Variants in SGCZ observed in about 807,000 individuals in gnomAD.
SGCZ encodes zeta-sarcoglycan.
Under a neutral mutation model 41.3 loss-of-function variants are expected in SGCZ, and 40 were observed. The observed-to-expected ratio is 0.97, with a 90% CI of 0.75 to 1.26. The LOEUF is 1.26. Ranked by LOEUF, SGCZ falls within the 50% of genes most tolerant of loss-of-function variation. The pLI is 0.00. For synonymous variants in SGCZ, 206 were observed against 137.5 expected, an observed-to-expected ratio of 1.50 and a Z score of -3.49; for missense variants, 552 against 369.8, an observed-to-expected ratio of 1.49 and a Z score of -4.04.
At chr8:15,162,332 C>G (rs1422096751) in intron 1 of SGCZ, among the ~76,000 whole-genome samples, 1 of 152,188 alleles carries the variant, frequency 6.6e-6, no homozygotes, top group African/African-American at 2.4e-5. Context: ...CAGCACCTGT[C>G]CCACCTCTAA....
chr8:14,196,077 T>C (rs1034926046), intron 4 of SGCZ, among the ~76,000 whole-genome samples: 1 of 152,074 alleles, frequency 6.6e-6, no homozygotes, highest in Non-Finnish European at 1.5e-5. Flanking sequence ...CTCTACAGTA[T>C]CCAAAATTCA....
intron 1 of SGCZ, among the ~76,000 whole-genome samples, chr8:15,197,340 T>G (rs1258568176): frequency 6.6e-6 from 1 of 152,196 alleles, no homozygotes; most frequent in Non-Finnish European, 1.5e-5. Context: ...TGGCCTGTTT[T>G]GAAGAAAAAG....
intron 1 of SGCZ, among the ~76,000 whole-genome samples, chr8:14,646,655 G>C (rs1320048222): frequency 6.6e-6 from 1 of 150,640 alleles, no homozygotes; most frequent in African/African-American, 2.5e-5. Flanking sequence ...ACAGATAATA[G>C]TTTCCTAACA....
chr8:14,654,606 C>T (rs913477044), intron 1 of SGCZ, among the ~76,000 whole-genome samples: 6 of 152,046 alleles, frequency 3.9e-5, no homozygotes, highest in Non-Finnish European at 8.8e-5. Context: ...GAGTCTCGCT[C>T]TGTCGCCCAG....
intron 1 of SGCZ, among the ~76,000 whole-genome samples, chr8:14,891,782 G>A (rs574968604): frequency 5.9e-4 from 90 of 152,266 alleles, no homozygotes; most frequent in Middle Eastern, 3.4e-3. Context: ...ATTTTAAGCC[G>A]TTGCCACGGC....
chr8:14,166,427 T>C (rs1804212589), intron 4 of SGCZ, among the ~76,000 whole-genome samples: 1 of 152,144 alleles, frequency 6.6e-6, no homozygotes, highest in South Asian at 2.1e-4. Flanking sequence ...AATCCAACTA[T>C]TGGGTGATGT....
rs147522056 is a variant in SGCZ, at chr8:14,618,955, T to C, written c.40-64029A>G. On this transcript the variant is annotated intron_variant, in intron 1 of 7. Coordinates refer to ENST00000382080, the MANE Select transcript of SGCZ (RefSeq NM_139167.4). ...GAAAATAGGAAGAGAACATGTTTTA[T>C]GGAAAATCGAAGAAATCTAGTTTTC... Among the ~76,000 whole-genome samples the C allele has an allele frequency of 1.2e-3, 177 of 152,264 alleles. 1 individual carries two copies. Among genetic ancestry groups the C allele is most frequent in the South Asian group, 2.1e-3 (10 of 4,822 alleles).
At chr8:14,740,169 A>G (rs971299191) in intron 1 of SGCZ, among the ~76,000 whole-genome samples, 4 of 152,060 alleles carry the variant, frequency 2.6e-5, no homozygotes, top group African/African-American at 9.7e-5. Context: ...TTCTAGAGTC[A>G]TTGACTTTAA....
At chr8:14,387,958 A>T (rs1489680884) in intron 2 of SGCZ, among the ~76,000 whole-genome samples, 1 of 152,152 alleles carries the variant, frequency 6.6e-6, no homozygotes, top group African/African-American at 2.4e-5. Flanking sequence ...AAAGTGGCTT[A>T]CCAAATGTAG....
At chr8:14,904,972 T>C (rs1011176935) in intron 1 of SGCZ, among the ~76,000 whole-genome samples, 2 of 152,006 alleles carry the variant, frequency 1.3e-5, no homozygotes, top group Non-Finnish European at 2.9e-5. Flanking sequence ...TTTGTTATTA[T>C]GAAAACTTAA....
At chr8:14,911,970 A>G (rs1380489159) in intron 1 of SGCZ, among the ~76,000 whole-genome samples, 1 of 152,016 alleles carries the variant, frequency 6.6e-6, no homozygotes, top group African/African-American at 2.4e-5. Context: ...TACTATTCTA[A>G]TAAACTACTG....
At chr8:14,567,398 C>G (rs1585086489) in intron 1 of SGCZ, among the ~76,000 whole-genome samples, 1 of 152,152 alleles carries the variant, frequency 6.6e-6, no homozygotes, top group Non-Finnish European at 1.5e-5. Context: ...TGTAAATACA[C>G]CAGTGGACAC....
At chr8:15,213,580 T>A (rs936452853) in intron 1 of SGCZ, among the ~76,000 whole-genome samples, 2 of 151,462 alleles carry the variant, frequency 1.3e-5, no homozygotes, top group African/African-American at 4.8e-5. Context: ...AAGAAACAAA[T>A]CCTAATTGCT....
intron 1 of SGCZ, among the ~76,000 whole-genome samples, chr8:14,729,681 T>A (rs1308039929): frequency 6.8e-6 from 1 of 146,454 alleles, no homozygotes; most frequent in Non-Finnish European, 1.5e-5. Context: ...TCAATCAATC[T>A]GTTGTTTAAG....
chr8:14,409,638 C>T (rs954683547), intron 2 of SGCZ, among the ~76,000 whole-genome samples: 63 of 152,242 alleles, frequency 4.1e-4, no homozygotes, highest in Non-Finnish European at 1.0e-4. Flanking sequence ...TTGAGACACT[C>T]CTGCTATTAC....
At chr8:14,240,486 C>T (rs147569250) in intron 3 of SGCZ, among the ~76,000 whole-genome samples, 1,574 of 152,158 alleles carry the variant, frequency 0.01, 15 homozygotes, top group Non-Finnish European at 0.015. Context: ...ATATAATTCT[C>T]CTAATTTTTT....
chr8:15,203,398 C>G (rs548452701), intron 1 of SGCZ, among the ~76,000 whole-genome samples: 1 of 152,096 alleles, frequency 6.6e-6, no homozygotes, highest in South Asian at 2.1e-4. Context: ...GTACAAACCC[C>G]GTGAGGCCAC....
intron 1 of SGCZ, among the ~76,000 whole-genome samples, chr8:15,045,342 A>C (rs557983781): frequency 3.9e-5 from 6 of 152,182 alleles, no homozygotes; most frequent in African/African-American, 1.4e-4. Flanking sequence ...AATAAAAATG[A>C]CTTTCTCTTA....
At chr8:15,177,598 A>G (rs1444398421) in intron 1 of SGCZ, among the ~76,000 whole-genome samples, 2 of 152,242 alleles carry the variant, frequency 1.3e-5, no homozygotes, top group Non-Finnish European at 2.9e-5. Flanking sequence ...AGACTGATTC[A>G]TTGATAAAAA....
Sources: gnomAD v4.1 joint callset for allele counts (sites outside exome capture counted in the v4.1 genomes callset) on GRCh38, gnomAD v4.1.1 for gene constraint, MANE v1.5 for transcripts, NCBI Gene and HGNC (gene_info 2026-07-23, HGNC 2026-07-21) for gene names.